Variants in VAV3 observed in about 807,000 individuals in gnomAD.
The protein encoded by VAV3 is vav guanine nucleotide exchange factor 3.
Under a neutral mutation model 131.2 loss-of-function variants are expected in VAV3, and 94 were observed. That is an observed-to-expected ratio of 0.72 (90% CI 0.61 to 0.85). The LOEUF is 0.85. VAV3 is among the 40% of genes least tolerant of loss of function. VAV3 has a pLI of 0.00. For missense variants in VAV3, 939 were observed against 1,002.7 expected (o/e 0.94, Z 0.86); for synonymous variants, 349 against 342.0 (o/e 1.02, Z -0.22).
At chr1:107,874,275 T>C (rs1049598507) in intron 2 of VAV3, among the ~76,000 whole-genome samples, 38 of 152,194 alleles carry the variant, frequency 2.5e-4, no homozygotes, top group Non-Finnish European at 4.4e-5. Context: ...ATTATACATG[T>C]GTTTAGTGTG....
rs138950313 is a variant in VAV3 at position 107,669,706 on chromosome 1, C to T, written c.1777+13782G>A. On this transcript the variant is annotated intron_variant, in intron 19 of 26. Transcript: ENST00000370056. ...AGTTTTTTCTTTTTTTTTAGATTGT[C>T]ATCCCTTTCATCTATTCGTGAGGTG... Among the ~76,000 whole-genome samples the T allele has an allele frequency of 5.3e-3, 801 of 151,828 alleles. 9 individuals are homozygous for T. Among genetic ancestry groups the T allele is most frequent in the African/African-American group, 0.018 (744 of 41,408 alleles).
rs564683496 is a variant in VAV3, at chr1:107,852,269, A to G, written c.321+22632T>C. Among the ~76,000 whole-genome samples, 13 of 152,300 alleles carry G rather than the reference A, an allele frequency of 8.5e-5. No homozygotes were observed. In the South Asian group the frequency reaches 2.1e-3, roughly 24 times the overall value. ...CTCTATGCATAATTCTCAACCTTCCAAAAAAATAATTTGAAGACTCAGGTA... is the reference window on the plus strand; with the variant it reads ...CTCTATGCATAATTCTCAACCTTCCGAAAAAATAATTTGAAGACTCAGGTA... On this transcript the variant is annotated intron_variant, in intron 2 of 26. Transcript: ENST00000370056.
At chr1:107,776,059 G>A (rs762866460) in intron 4 of VAV3, among the ~76,000 whole-genome samples, 36 of 152,292 alleles carry the variant, frequency 2.4e-4, no homozygotes, top group Non-Finnish European at 4.4e-4. Flanking sequence ...TTTAAACTGT[G>A]AAGATATAAT....
chr1:107,907,453 T>G (rs530015233), intron 1 of VAV3, among the ~76,000 whole-genome samples: 1 of 152,306 alleles, frequency 6.6e-6, no homozygotes, highest in East Asian at 1.9e-4. Context: ...ACTGCTATCA[T>G]TTAAATGTGT....
intron 1 of VAV3, among the ~76,000 whole-genome samples, chr1:107,916,383 A>G (rs1185121543): frequency 1.3e-5 from 2 of 152,208 alleles, no homozygotes; most frequent in Non-Finnish European, 2.9e-5. Flanking sequence ...CCTGAAGCAT[A>G]ACGTACAAAT....
chr1:107,878,281 T>C (rs1241712757), intron 1 of VAV3, among the ~76,000 whole-genome samples: 1 of 152,200 alleles, frequency 6.6e-6, no homozygotes, highest in Non-Finnish European at 1.5e-5. Context: ...AATACCATTA[T>C]ATCTAAGAAA....
intron 17 of VAV3, among the ~76,000 whole-genome samples, chr1:107,698,858 C>T (rs1180553095): frequency 6.6e-6 from 1 of 152,104 alleles, no homozygotes; most frequent in Non-Finnish European, 1.5e-5. Context: ...GGGAAAACTG[C>T]CTTATAAAAC....
intron 19 of VAV3, among the ~76,000 whole-genome samples, chr1:107,642,987 T>A (rs904772407): frequency 6.6e-6 from 1 of 152,158 alleles, no homozygotes; most frequent in African/African-American, 2.4e-5. Flanking sequence ...TTCCTCTCCC[T>A]TACCATCAAT....
At chr1:107,923,971 A>C (rs1341153500) in intron 1 of VAV3, among the ~76,000 whole-genome samples, 1 of 152,084 alleles carries the variant, frequency 6.6e-6, no homozygotes, top group African/African-American at 2.4e-5. Flanking sequence ...AGCCTCAAGA[A>C]CTGTATAAAT....
chr1:107,952,172 C>T (rs567500487), intron 1 of VAV3, among the ~76,000 whole-genome samples: 5 of 152,008 alleles, frequency 3.3e-5, no homozygotes, highest in Non-Finnish European at 7.4e-5. Flanking sequence ...ACATGGATAG[C>T]GCTGGAGGCC....
At chr1:107,623,654 T>G (rs893186800) in intron 20 of VAV3, among the ~76,000 whole-genome samples, 2 of 152,222 alleles carry the variant, frequency 1.3e-5, no homozygotes, top group Admixed American at 1.3e-4. Flanking sequence ...AGTGAACACT[T>G]TGAAAACTTG....
intron 1 of VAV3, among the ~76,000 whole-genome samples, chr1:107,938,282 G>A (rs1222438453): frequency 6.6e-6 from 1 of 152,144 alleles, no homozygotes; most frequent in African/African-American, 2.4e-5. Flanking sequence ...AGGCACTAAG[G>A]TCAAGGGCCA....
intron 1 of VAV3, among the ~76,000 whole-genome samples, chr1:107,878,306 CA>C (rs2101028745): frequency 6.6e-6 from 1 of 152,286 alleles, no homozygotes; most frequent in South Asian, 2.1e-4. Context: ...ACAATAATTT[CA>C]TATTATCTAA....
chr1:107,812,368 T>C (rs1331826852), intron 2 of VAV3, among the ~76,000 whole-genome samples: 2 of 152,158 alleles, frequency 1.3e-5, no homozygotes, highest in Non-Finnish European at 2.9e-5. Context: ...TGCTAACTCC[T>C]ATTTGTGTCA....
At chr1:107,757,568 T>C (rs983879071) in intron 10 of VAV3, among the ~76,000 whole-genome samples, 1 of 152,192 alleles carries the variant, frequency 6.6e-6, no homozygotes, top group Admixed American at 6.5e-5. Context: ...CTGAATTCTA[T>C]CCACCACCAT....
chr1:107,793,113 C>A (rs1666374166), intron 2 of VAV3, among the ~76,000 whole-genome samples: 19 of 152,174 alleles, frequency 1.2e-4, no homozygotes, highest in Admixed American at 1.2e-3. Flanking sequence ...TCTGCAGACA[C>A]TATAAAATGC....
At chr1:107,933,451 T>A (rs1488340560) in intron 1 of VAV3, among the ~76,000 whole-genome samples, 1 of 152,112 alleles carries the variant, frequency 6.6e-6, no homozygotes, top group African/African-American at 2.4e-5. Context: ...TTAGCTCACT[T>A]CAAGGTTAGC....
intron 1 of VAV3, among the ~76,000 whole-genome samples, chr1:107,881,876 G>T (rs190718805): frequency 6.6e-6 from 1 of 152,156 alleles, no homozygotes; most frequent in East Asian, 1.9e-4. Flanking sequence ...GCTTAAAAAA[G>T]GAAACATTTG....
At chr1:107,732,375 C>G (rs561026143) in intron 15 of VAV3, among the ~76,000 whole-genome samples, 1 of 152,042 alleles carries the variant, frequency 6.6e-6, no homozygotes, top group Non-Finnish European at 1.5e-5. Context: ...ACAGTGGGTG[C>G]GGCCACAGAG....
Sources: gnomAD v4.1 joint callset for allele counts (sites outside exome capture counted in the v4.1 genomes callset) on GRCh38, gnomAD v4.1.1 for gene constraint, MANE v1.5 for transcripts, NCBI Gene and HGNC (gene_info 2026-07-23, HGNC 2026-07-21) for gene names.